GPR39: variants seen among roughly 807,000 people sequenced by gnomAD.
The protein encoded by GPR39 is G protein-coupled receptor 39, also known as zinc sensing receptor.
A neutral mutation model predicts 18.4 loss-of-function variants in GPR39; 23 were observed. That is an observed-to-expected ratio of 1.25 (90% confidence interval 0.90 to 1.77). The LOEUF (loss-of-function observed/expected upper bound fraction) is 1.77, where lower values mean the gene tolerates loss of function less well. Among genes scored for constraint, GPR39 ranks in the 40% most tolerant of loss-of-function variants. The probability of loss-of-function intolerance (pLI) is 0.00; values close to 1 mark genes in which losing one functional copy is unlikely to be tolerated. For missense variants in GPR39, 647 were observed against 602.4 expected (o/e 1.07, Z -0.78); for synonymous variants, 280 against 257.9 (o/e 1.09, Z -0.82).
Position 132,645,759 on chromosome 2 carries a change from G to C in GPR39, c.*153G>C. ...AGATGCCCACCTCAGTGACTTCTAA[G>C]GACTGACTCTGCCAGCCTGGCCTTG... On this transcript the variant is annotated 3_prime_UTR_variant, in exon 2 of 2. Coordinates refer to ENST00000329321, the MANE Select transcript of GPR39 (RefSeq NM_001508.3). The C allele has an allele frequency of 9.1e-7, 1 of 1,103,952 alleles. No individual in the cohort carries two copies. Among genetic ancestry groups the C allele is most frequent in the Non-Finnish European group, 1.3e-6 (1 of 792,350 alleles). 68.4% of individuals were successfully genotyped at this position (1,103,952 alleles called of 1,614,324 possible).
chr2:132,473,582 C>A (rs1681071720), intron 1 of GPR39, among the ~76,000 whole-genome samples: 1 of 152,170 alleles, frequency 6.6e-6, no homozygotes, highest in Non-Finnish European at 1.5e-5. Context: ...TTTATCAACT[C>A]AGTAGCAATA....
chr2:132,475,895 T>C (rs181610906), intron 1 of GPR39, among the ~76,000 whole-genome samples: 1 of 152,310 alleles, frequency 6.6e-6, no homozygotes, highest in Non-Finnish European at 1.5e-5. Flanking sequence ...TAGTTGTCAT[T>C]ATCTTCTGCC....
intron 1 of GPR39, among the ~76,000 whole-genome samples, chr2:132,592,905 C>T (rs1440878351): frequency 6.6e-6 from 1 of 152,090 alleles, no homozygotes; most frequent in Admixed American, 6.5e-5. Context: ...GAGACAGCAG[C>T]TATAAATTCA....
At chr2:132,613,499 T>C (rs1476041647) in intron 1 of GPR39, among the ~76,000 whole-genome samples, 1 of 152,210 alleles carries the variant, frequency 6.6e-6, no homozygotes, top group Non-Finnish European at 1.5e-5. Context: ...GAATTCTTTG[T>C]TATCCAAGGT....
intron 1 of GPR39, among the ~76,000 whole-genome samples, chr2:132,580,960 C>CAAA (rs538565776): frequency 0.01 from 566 of 54,908 alleles, 14 homozygotes; most frequent in African/African-American, 0.027. Flanking sequence ...GACTCTGTCT[C>CAAA]AAAAAAAAAA....
At chr2:132,513,066 G>A (rs532661069) in intron 1 of GPR39, among the ~76,000 whole-genome samples, 21 of 151,760 alleles carry the variant, frequency 1.4e-4, no homozygotes, top group Non-Finnish European at 2.5e-4. Flanking sequence ...CTCCTGGGTC[G>A]GTTCTGTTCA....
intron 1 of GPR39, among the ~76,000 whole-genome samples, chr2:132,441,283 C>T (rs1680433733): frequency 1.3e-5 from 2 of 152,116 alleles, no homozygotes; most frequent in African/African-American, 4.8e-5. Flanking sequence ...CAGACAGTTC[C>T]CTGTTTACAG....
intron 1 of GPR39, among the ~76,000 whole-genome samples, chr2:132,563,965 G>A (rs1296728991): frequency 1.3e-5 from 2 of 152,224 alleles, no homozygotes; most frequent in Non-Finnish European, 2.9e-5. Context: ...GCCAGGATTT[G>A]TAAAAGCTGT....
chr2:132,546,955 G>T (rs888491638), intron 1 of GPR39, among the ~76,000 whole-genome samples: 8 of 151,214 alleles, frequency 5.3e-5, no homozygotes, highest in Admixed American at 1.3e-4. Flanking sequence ...CCTCTGAGAA[G>T]AGAAACCACT....
intron 1 of GPR39, among the ~76,000 whole-genome samples, chr2:132,483,793 G>A (rs750344265): frequency 2.0e-5 from 3 of 152,054 alleles, no homozygotes; most frequent in Non-Finnish European, 4.4e-5. Flanking sequence ...AATGTTTGTG[G>A]CATCTGGAGA....
chr2:132,466,544 C>T (rs1047131740), intron 1 of GPR39, among the ~76,000 whole-genome samples: 1 of 152,126 alleles, frequency 6.6e-6, no homozygotes, highest in Non-Finnish European at 1.5e-5. Context: ...AAATCTCTGG[C>T]AAGTCAGGCT....
chr2:132,472,966 C>T (rs1184799745), intron 1 of GPR39, among the ~76,000 whole-genome samples: 2 of 151,986 alleles, frequency 1.3e-5, no homozygotes, highest in Non-Finnish European at 2.9e-5. Flanking sequence ...GCCCAGCATC[C>T]TTATCCACCG....
At chr2:132,567,789 A>AT (rs1173981849) in intron 1 of GPR39, among the ~76,000 whole-genome samples, 1 of 152,196 alleles carries the variant, frequency 6.6e-6, no homozygotes, top group Non-Finnish European at 1.5e-5. Flanking sequence ...AACTACTGAT[A>AT]CTTGGGCCTC....
At chr2:132,543,749 G>T (rs1289682173) in intron 1 of GPR39, among the ~76,000 whole-genome samples, 1 of 152,218 alleles carries the variant, frequency 6.6e-6, no homozygotes, top group South Asian at 2.1e-4. Context: ...ACTGAACTGG[G>T]GTCTCCTCAC....
chr2:132,619,000 C>T (rs919792090), intron 1 of GPR39, among the ~76,000 whole-genome samples: 2 of 152,132 alleles, frequency 1.3e-5, no homozygotes, highest in Non-Finnish European at 2.9e-5. Flanking sequence ...CCTGGTAACC[C>T]CGAGGACGGA....
intron 1 of GPR39, among the ~76,000 whole-genome samples, chr2:132,509,638 A>T (rs1679204085): frequency 6.6e-6 from 1 of 152,184 alleles, no homozygotes; most frequent in South Asian, 2.1e-4. Flanking sequence ...AACTGCTCTG[A>T]CTTTCAGGTT....
At chr2:132,582,226 G>A (rs542438659) in intron 1 of GPR39, among the ~76,000 whole-genome samples, 6 of 152,286 alleles carry the variant, frequency 3.9e-5, no homozygotes, top group South Asian at 2.1e-4. Context: ...ATATGCTTGC[G>A]GGGAAGACAC....
intron 1 of GPR39, among the ~76,000 whole-genome samples, chr2:132,600,882 A>G (rs1338750435): frequency 2.0e-5 from 3 of 152,120 alleles, no homozygotes; most frequent in African/African-American, 4.8e-5. Context: ...CTTTTAGTGT[A>G]CCTGTCATCT....
chr2:132,452,967 A>C (rs1463311346), intron 1 of GPR39, among the ~76,000 whole-genome samples: 1 of 152,228 alleles, frequency 6.6e-6, no homozygotes, highest in Non-Finnish European at 1.5e-5. Context: ...TTATGGTAGC[A>C]TGCTTTATAA....
Sources: gnomAD v4.1 joint callset for allele counts (sites outside exome capture counted in the v4.1 genomes callset) on GRCh38, gnomAD v4.1.1 for gene constraint, MANE v1.5 for transcripts, NCBI Gene and HGNC (gene_info 2026-07-23, HGNC 2026-07-21) for gene names.